Variants in OXSR1 observed in about 807,000 individuals in gnomAD.
OXSR1 encodes the protein oxidative stress responsive kinase 1, also known as serine/threonine-protein kinase OSR1.
A neutral mutation model predicts 79.8 loss-of-function variants in OXSR1; 24 were observed. That is an observed-to-expected ratio of 0.30 (90% CI 0.22 to 0.42). The LOEUF (loss-of-function observed/expected upper bound fraction) is 0.42. Ranked by LOEUF, OXSR1 falls within the 10% of genes least tolerant of loss-of-function variation. OXSR1 has a pLI of 1.00. For synonymous variants in OXSR1, 226 were observed against 209.2 expected (o/e 1.08, Z -0.69); for missense variants, 430 against 618.4 (o/e 0.70, Z 3.23).
chr3:38,248,115 A>C (rs1282634816), intron 14 of OXSR1, among the ~76,000 whole-genome samples: 1 of 152,152 alleles, frequency 6.6e-6, no homozygotes, highest in Non-Finnish European at 1.5e-5. Flanking sequence ...TCTGAGATCA[A>C]CTAACCCAAG....
rs1478628924 is a variant in OXSR1 at position 38,201,346 on chromosome 3, G to T, written c.434+2483G>T. The stretch of plus-strand genomic sequence containing the variant: ...ACTTTGAGAGGCGGGCGGATTGCTT[G>T]AGCCCAGGAGTTTAATACCAGCCTG... On this transcript the variant is annotated intron_variant, in intron 4 of 17. Coordinates refer to ENST00000311806, the MANE Select transcript of OXSR1 (RefSeq NM_005109.3). Among the ~76,000 whole-genome samples the T allele has an allele frequency of 1.1e-4, 16 of 151,586 alleles. No homozygotes were observed. The East Asian group carries it at 2.7e-3, about 26-fold the overall frequency.
At chr3:38,229,831 G>GA in intron 9 of OXSR1, 96 bp downstream of exon 9, 1 of 902,264 alleles carries the variant, frequency 1.1e-6, no homozygotes, top group Non-Finnish European at 1.8e-6. Flanking sequence ...ATTATGTTTG[G>GA]AAAAATGATG....
At chr3:38,191,336 G>A (rs1002884017) in intron 3 of OXSR1, among the ~76,000 whole-genome samples, 1 of 152,024 alleles carries the variant, frequency 6.6e-6, no homozygotes, top group African/African-American at 2.4e-5. Flanking sequence ...AAAGTGCTGG[G>A]ATTACAGGTG....
intron 5 of OXSR1, among the ~76,000 whole-genome samples, chr3:38,219,052 G>A (rs1231171113): frequency 6.6e-6 from 1 of 152,056 alleles, no homozygotes; most frequent in Non-Finnish European, 1.5e-5. Context: ...AAAACGAAAG[G>A]CAAATGGCAT....
At chr3:38,242,019 A>G (rs971829996) in intron 11 of OXSR1, among the ~76,000 whole-genome samples, 5 of 152,050 alleles carry the variant, frequency 3.3e-5, no homozygotes. Context: ...TTGGTAAACT[A>G]CAGTGCCTGT....
At chr3:38,205,243 A>G (rs1702244664) in intron 4 of OXSR1, among the ~76,000 whole-genome samples, 1 of 152,208 alleles carries the variant, frequency 6.6e-6, no homozygotes, top group South Asian at 2.1e-4. Context: ...GAAATCAGGT[A>G]CTGTGATCAC....
intron 9 of OXSR1, 58 bp from the exon 10 acceptor site, chr3:38,230,307 G>C (rs1702778209): frequency 1.8e-6 from 2 of 1,087,848 alleles, no homozygotes; most frequent in Non-Finnish European, 2.8e-6. Context: ...CTTTTTTGTG[G>C]GTTTTTTTTG....
At chr3:38,193,081 C>T (rs562975365) in intron 3 of OXSR1, among the ~76,000 whole-genome samples, 1 of 152,248 alleles carries the variant, frequency 6.6e-6, no homozygotes, top group African/African-American at 2.4e-5. Flanking sequence ...AAACTTTTTA[C>T]TTGTCTGTTA....
intron 1 of OXSR1, among the ~76,000 whole-genome samples, chr3:38,176,522 TA>T (rs1701679570): frequency 6.6e-6 from 1 of 152,260 alleles, no homozygotes; most frequent in South Asian, 2.1e-4. Context: ...GTTAGAACCT[TA>T]AAATACTTTT....
intron 4 of OXSR1, among the ~76,000 whole-genome samples, chr3:38,209,351 T>C (rs1443840632): frequency 1.3e-5 from 2 of 152,036 alleles, no homozygotes; most frequent in African/African-American, 2.4e-5. Context: ...CCCAAATAGC[T>C]GGCCCACAGG....
rs1292188052 is a variant in OXSR1, at chr3:38,246,217, C to T, written c.1253C>T (p.Ala418Val). The T allele has an allele frequency of 2.5e-6, 4 of 1,613,586 alleles. No homozygotes were observed. Among genetic ancestry groups the T allele is most frequent in the East Asian group, 2.2e-5 (1 of 44,866 alleles). ...LPPTAEPAKT[A>V]QALSSGSGSQ... The stretch of plus-strand genomic sequence containing the variant: ...CCCACCGCAGAGCCAGCAAAAACAG[C>T]TCAGGTAAAGCCGGGGATATGGTTT... Residue 418 changes from alanine to valine, a missense_variant, in exon 13 of 18, where the codon GCT (alanine) becomes GTT (valine). Ala to Val is a moderately conservative substitution (Grantham distance 64, BLOSUM62 0). Coordinates refer to ENST00000311806, the MANE Select transcript of OXSR1 (RefSeq NM_005109.3).
intron 1 of OXSR1, among the ~76,000 whole-genome samples, chr3:38,168,268 G>A (rs1701506277): frequency 6.6e-6 from 1 of 152,168 alleles, no homozygotes; most frequent in African/African-American, 2.4e-5. Context: ...TAAATTCCCT[G>A]TGTCGTACAA....
chr3:38,181,647 G>T (rs1364670619), intron 1 of OXSR1, among the ~76,000 whole-genome samples: 2 of 152,070 alleles, frequency 1.3e-5, no homozygotes, highest in Non-Finnish European at 2.9e-5. Flanking sequence ...ACCATGCCCG[G>T]CCTGTTTCAA....
chr3:38,213,692 T>A (rs1384961677), intron 4 of OXSR1, among the ~76,000 whole-genome samples: 1 of 152,190 alleles, frequency 6.6e-6, no homozygotes, highest in Non-Finnish European at 1.5e-5. Flanking sequence ...TTCTCAACTT[T>A]TACGTAAATC....
intron 4 of OXSR1, among the ~76,000 whole-genome samples, chr3:38,206,031 A>T (rs1028891532): frequency 1.3e-5 from 2 of 152,242 alleles, no homozygotes; most frequent in African/African-American, 4.8e-5. Flanking sequence ...AGAAATAAAT[A>T]CATTTTTGTT....
intron 1 of OXSR1, among the ~76,000 whole-genome samples, chr3:38,179,620 TA>T (rs1701743584): frequency 5.3e-5 from 8 of 152,294 alleles, no homozygotes; most frequent in African/African-American, 1.9e-4. Flanking sequence ...TGTCCCTCAG[TA>T]TATGTGGGGG....
intron 8 of OXSR1, 126 bp downstream of exon 8, chr3:38,224,830 C>A: frequency 1.5e-6 from 1 of 657,860 alleles, no homozygotes; most frequent in Non-Finnish European, 2.5e-6. Flanking sequence ...AAAAAGTATA[C>A]AGAGACCATT....
intron 1 of OXSR1, among the ~76,000 whole-genome samples, chr3:38,180,446 A>G (rs1322244121): frequency 6.7e-6 from 1 of 150,188 alleles, no homozygotes; most frequent in Non-Finnish European, 1.5e-5. Context: ...GGCATCCCTT[A>G]GTATGTTTTC....
At chr3:38,180,525 C>CTA (rs1701763965) in intron 1 of OXSR1, among the ~76,000 whole-genome samples, 1 of 108,962 alleles carries the variant, frequency 9.2e-6, no homozygotes, top group Non-Finnish European at 1.8e-5. Context: ...ATAGCTCCAA[C>CTA]TTTTTTTTTT....
Sources: gnomAD v4.1 joint callset for allele counts (sites outside exome capture counted in the v4.1 genomes callset) on GRCh38, gnomAD v4.1.1 for gene constraint, MANE v1.5 for transcripts, NCBI Gene and HGNC (gene_info 2026-07-23, HGNC 2026-07-21) for gene names.